Variants in UIMC1 observed in about 807,000 individuals in gnomAD.
UIMC1 encodes the protein ubiquitin interaction motif containing 1, also known as BRCA1-A complex subunit RAP80.
UIMC1 carries 42 observed loss-of-function variants against 84.9 expected under a neutral mutation model. The observed-to-expected ratio is 0.49, with a 90% CI of 0.39 to 0.64. UIMC1 has a LOEUF of 0.64. Ranked by LOEUF, UIMC1 falls within the 30% of genes least tolerant of loss-of-function variation. The probability of loss-of-function intolerance (pLI) is 0.00; values close to 1 mark genes in which losing one functional copy is unlikely to be tolerated. For missense variants in UIMC1, 825 were observed against 847.6 expected (o/e 0.97, Z 0.33); for synonymous variants, 281 against 293.0 (o/e 0.96, Z 0.42).
intron 9 of UIMC1, among the ~76,000 whole-genome samples, chr5:176,947,798 A>G (rs1765330815): frequency 6.6e-6 from 1 of 151,990 alleles, no homozygotes; most frequent in Non-Finnish European, 1.5e-5. Context: ...CCTAGGCAAC[A>G]GGGTGAGACT....
chr5:176,943,567 C>T (rs1017058138), intron 9 of UIMC1, 79 bp from the exon 10 acceptor site: 3 of 1,502,728 alleles, frequency 2.0e-6, no homozygotes, highest in Admixed American at 4.1e-5. Context: ...AGACTCCACC[C>T]CATATTTCAC....
intron 11 of UIMC1, among the ~76,000 whole-genome samples, chr5:176,910,228 T>A (rs1174024724): frequency 2.0e-5 from 3 of 152,242 alleles, no homozygotes; most frequent in Non-Finnish European, 4.4e-5. Flanking sequence ...TCTGCTCAAC[T>A]AAATTAGGGA....
rs1768809862 is a variant in UIMC1, at chr5:176,969,179, C to T, written c.576G>A (p.Glu192=). Residue 192 remains glutamate, a synonymous_variant, in exon 6 of 15, where the codon GAG becomes GAA. Transcript: ENST00000511320. The part of the protein sequence containing the change: ...PWDHTEKTEE[E]PVSGSSGSWD... Reference sequence around the variant, plus strand: ...AGCTTCCTGAGCTGCCAGAGACCGGCTCCTCTTCAGTTTTTTCAGTGTGGT... The same window carrying T: ...AGCTTCCTGAGCTGCCAGAGACCGGTTCCTCTTCAGTTTTTTCAGTGTGGT... The T allele has an allele frequency of 6.2e-7, 1 of 1,614,182 alleles. No homozygotes were observed. Among genetic ancestry groups the T allele is most frequent in the Non-Finnish European group, 8.5e-7 (1 of 1,180,030 alleles).
intron 10 of UIMC1, among the ~76,000 whole-genome samples, chr5:176,936,570 T>C (rs931036041): frequency 1.3e-5 from 2 of 152,196 alleles, no homozygotes; most frequent in African/African-American, 4.8e-5. Flanking sequence ...GTCCTTATTA[T>C]GGCCTAAGAA....
chr5:177,011,953 A>G (rs896453251), intron 1 of UIMC1, among the ~76,000 whole-genome samples: 1 of 152,034 alleles, frequency 6.6e-6, no homozygotes. Context: ...GGCGCCCGCC[A>G]CCACGCCCAG....
intron 1 of UIMC1, among the ~76,000 whole-genome samples, chr5:177,017,648 A>G (rs1259074348): frequency 6.7e-6 from 1 of 149,566 alleles, no homozygotes. Flanking sequence ...CTATGATTAC[A>G]GGCCTGAGCC....
At chr5:176,938,579 G>A (rs1196160365) in intron 10 of UIMC1, among the ~76,000 whole-genome samples, 2 of 152,118 alleles carry the variant, frequency 1.3e-5, no homozygotes, top group Admixed American at 6.5e-5. Flanking sequence ...CATAGGGCCT[G>A]AAAAATCAAC....
At chr5:176,954,731 G>C (rs1480016304) in intron 8 of UIMC1, among the ~76,000 whole-genome samples, 1 of 149,386 alleles carries the variant, frequency 6.7e-6, no homozygotes, top group Non-Finnish European at 1.5e-5. Context: ...ACTCCAGCCT[G>C]GGCAAAACTC....
At chr5:177,000,102 C>T (rs554573022) in intron 1 of UIMC1, among the ~76,000 whole-genome samples, 4 of 152,098 alleles carry the variant, frequency 2.6e-5, no homozygotes, top group South Asian at 2.1e-4. Flanking sequence ...GGGATACAGG[C>T]GCCCGCCACC....
chr5:176,937,513 GAAAC>G (rs989833644), intron 10 of UIMC1, among the ~76,000 whole-genome samples: 4 of 151,872 alleles, frequency 2.6e-5, no homozygotes, highest in African/African-American at 9.7e-5. Context: ...AATAAAAAAA[GAAAC>G]AAAAGCATTC....
chr5:176,975,534 T>TAG, intron 2 of UIMC1, 54 bp from the exon 3 acceptor site: 1 of 1,572,790 alleles, frequency 6.4e-7, no homozygotes. Flanking sequence ...AGTAGTGATT[T>TAG]CTCTCTCTTC....
intron 9 of UIMC1, among the ~76,000 whole-genome samples, chr5:176,949,980 G>A (rs944034531): frequency 2.0e-5 from 3 of 151,728 alleles, no homozygotes; most frequent in Non-Finnish European, 4.4e-5. Context: ...CTAAAACTCC[G>A]GGAGGTGGAG....
intron 10 of UIMC1, among the ~76,000 whole-genome samples, chr5:176,918,124 C>T (rs56015743): frequency 0.13 from 19,793 of 152,200 alleles, 1,667 homozygotes; most frequent in East Asian, 0.19. Flanking sequence ...TAACCAGGAC[C>T]AATCCTATTA....
At chr5:176,906,127 T>A in intron 13 of UIMC1, 80 bp from the exon 14 acceptor site, 1 of 1,372,712 alleles carries the variant, frequency 7.3e-7, no homozygotes, top group Non-Finnish European at 1.0e-6. Flanking sequence ...TTTGCTTCCG[T>A]GCTCTAGGCA....
rs866613937 is a variant in UIMC1, at chr5:176,963,521, T to A, written c.1200+5034A>T. On this transcript the variant is annotated intron_variant, in intron 6 of 14. Transcript: ENST00000511320. ...GGGTGACAGAGTGAAACTCCATCTT[T>A]AAAAAAAAAAAAAAAAAAGTGAAAA... Among the ~76,000 whole-genome samples, 1,286 of 130,016 alleles carry A rather than the reference T, an allele frequency of 9.9e-3. 7 individuals are homozygous for A. The highest frequency in any genetic ancestry group is 0.027 in the South Asian group (112 of 4,092). 85.3% of individuals were successfully genotyped at this position (130,016 alleles called of 152,430 possible).
intron 1 of UIMC1, among the ~76,000 whole-genome samples, chr5:176,991,749 G>A (rs967338155): frequency 3.0e-4 from 45 of 151,648 alleles, no homozygotes; most frequent in Admixed American, 8.6e-4. Context: ...TGGCTAACAC[G>A]GTGAAACCCC....
intron 1 of UIMC1, among the ~76,000 whole-genome samples, chr5:177,015,093 T>C (rs966667383): frequency 6.6e-6 from 1 of 152,116 alleles, no homozygotes; most frequent in Non-Finnish European, 1.5e-5. Flanking sequence ...GTATGTTAAA[T>C]TATCAGAAAA....
intron 2 of UIMC1, among the ~76,000 whole-genome samples, chr5:176,977,738 CCTCT>C (rs1418124705): frequency 5.9e-5 from 9 of 151,714 alleles, no homozygotes; most frequent in Non-Finnish European, 1.0e-4. Context: ...GGTAAAACCC[CCTCT>C]CTACTAAAAA....
At chr5:176,937,291 C>T (rs1436023894) in intron 10 of UIMC1, among the ~76,000 whole-genome samples, 2 of 152,046 alleles carry the variant, frequency 1.3e-5, no homozygotes, top group South Asian at 2.1e-4. Context: ...GTCAGGAGAT[C>T]GAGACCATCC....
Sources: allele counts gnomAD v4.1 joint callset (sites outside exome capture counted in the v4.1 genomes callset), GRCh38; gene constraint gnomAD v4.1.1; transcripts MANE v1.5; gene names NCBI Gene and HGNC (gene_info 2026-07-23, HGNC 2026-07-21).